Variants in MPV17L observed in about 807,000 individuals in gnomAD.
MPV17L encodes MPV17 mitochondrial inner membrane protein like.
A neutral mutation model predicts 25.8 loss-of-function variants in MPV17L; 24 were observed. That is an observed-to-expected ratio of 0.93 (90% CI 0.67 to 1.31). MPV17L has a LOEUF of 1.31. Among genes scored for constraint, MPV17L ranks in the 50% most tolerant of loss-of-function variants. MPV17L has a pLI of 0.00. For synonymous variants in MPV17L, 102 were observed against 115.3 expected (o/e 0.88, Z 0.74); for missense variants, 250 against 265.6 (o/e 0.94, Z 0.41).
At chr16:15,396,656 A>T (rs965567167) in intron 1 of MPV17L, among the ~76,000 whole-genome samples, 2 of 151,942 alleles carry the variant, frequency 1.3e-5, no homozygotes, top group African/African-American at 4.8e-5. Flanking sequence ...GAAGGAACCG[A>T]CCTGCTGTTC....
intron 2 of MPV17L, among the ~76,000 whole-genome samples, chr16:15,402,826 G>C (rs1018355613): frequency 1.3e-5 from 2 of 151,918 alleles, no homozygotes; most frequent in African/African-American, 4.8e-5. Flanking sequence ...TTACAGACTT[G>C]CACCACCACA....
intron 2 of MPV17L, among the ~76,000 whole-genome samples, chr16:15,406,208 A>G (rs2050679217): frequency 6.6e-6 from 1 of 151,764 alleles, no homozygotes; most frequent in Non-Finnish European, 1.5e-5. Flanking sequence ...ATATATATAC[A>G]TACACATATA....
rs2050736872 is a variant in MPV17L at position 15,411,954 on chromosome 16, C to T, written c.*3842C>T. 1 of 152,098 alleles carries T rather than the reference C, an allele frequency of 6.6e-6. No individual in the cohort carries two copies. Among genetic ancestry groups the T allele is most frequent in the Non-Finnish European group, 1.5e-5 (1 of 68,036 alleles). 9.4% of individuals were successfully genotyped at this position (152,098 alleles called of 1,614,324 possible). A position where few individuals can be genotyped will look rare whatever the true frequency, so the allele number is the denominator to read the frequency against. Reference sequence around the variant, plus strand: ...ACAGAAGAAAATTTCCACTGATCACCCTTTAGCTTTAAATAATGCAGAAGC... The same window carrying T: ...ACAGAAGAAAATTTCCACTGATCACTCTTTAGCTTTAAATAATGCAGAAGC... On this transcript the variant is annotated 3_prime_UTR_variant, in exon 4 of 4. Transcript: ENST00000396385.
chr16:15,409,835 CA>C lies in MPV17L; in HGVS notation c.*1728del, dbSNP rs1392480706. 6.6e-6 allele frequency: 1 copy of C among 152,160 alleles called. No individual in the cohort carries two copies. Among genetic ancestry groups the C allele is most frequent in the Admixed American group, 6.5e-5 (1 of 15,270 alleles). The allele number at this position is 152,160 out of a possible 1,614,324, so 9.4% of individuals were successfully genotyped here. A position where few individuals can be genotyped will look rare whatever the true frequency, so the allele number is the denominator to read the frequency against. ...GCTCAGTAAGTACATTTTTTATTAT[CA>C]AAAACAGAGTAGTGTATGATTGGCG... On this transcript the variant is annotated 3_prime_UTR_variant, in exon 4 of 4. Coordinates refer to ENST00000396385, the MANE Select transcript of MPV17L (RefSeq NM_001128423.2).
At chr16:15,401,078 ATATATATATTT>A (rs1403270283) in intron 2 of MPV17L, among the ~76,000 whole-genome samples, 1 of 30,946 alleles carries the variant, frequency 3.2e-5, no homozygotes, top group African/African-American at 8.0e-5. Context: ...ATATATATAT[ATATATATATTT>A]TTTTTTTTTT....
chr16:15,403,671 CAAA>C (rs201912807), intron 2 of MPV17L, among the ~76,000 whole-genome samples: 6 of 98,372 alleles, frequency 6.1e-5, no homozygotes, highest in Non-Finnish European at 4.1e-5. Context: ...GACCATGGTT[CAAA>C]AAAAAAAAAA....
chr16:15,396,693 G>A (rs1231564888), intron 1 of MPV17L, among the ~76,000 whole-genome samples: 2 of 152,172 alleles, frequency 1.3e-5, no homozygotes, highest in African/African-American at 4.8e-5. Flanking sequence ...GGGCCCCGGG[G>A]CCAACACAGG....
chr16:15,402,619 T>C (rs1216475660), intron 2 of MPV17L, among the ~76,000 whole-genome samples: 1 of 152,184 alleles, frequency 6.6e-6, no homozygotes, highest in Non-Finnish European at 1.5e-5. Flanking sequence ...GAGGACCCCA[T>C]GGTGACAACC....
At chr16:15,397,907 T>C (rs907383996) in intron 1 of MPV17L, among the ~76,000 whole-genome samples, 4 of 152,180 alleles carry the variant, frequency 2.6e-5, no homozygotes, top group African/African-American at 7.2e-5. Flanking sequence ...GGTCTGTGCC[T>C]GTGCCCGGTG....
At chr16:15,399,191 A>C (rs1203377210) in intron 1 of MPV17L, among the ~76,000 whole-genome samples, 1 of 152,036 alleles carries the variant, frequency 6.6e-6, no homozygotes, top group Admixed American at 6.6e-5. Context: ...TGAGGCACGT[A>C]AACTACATAG....
Position 15,396,187 on chromosome 16 carries a change from C to G in MPV17L, c.290C>G (p.Ala97Gly). ...LCDQVVGAPI[A>G]VSAFYVGMSI... Reference sequence around the variant, plus strand: ...GACCAGGTGGTCGGTGCGCCCATCGCGGTCTCGGCCTTCTATGTCGGTGAG... The same window carrying G: ...GACCAGGTGGTCGGTGCGCCCATCGGGGTCTCGGCCTTCTATGTCGGTGAG... The change falls in exon 1 of 4, where the codon GCG becomes GGG. Residue 97 changes from alanine (A) to glycine (G), a missense_variant. By Grantham distance (60) the Ala-to-Gly change is moderately conservative. Coordinates refer to ENST00000396385, the MANE Select transcript of MPV17L (RefSeq NM_001128423.2). 1 of 1,549,840 alleles carries G rather than the reference C, an allele frequency of 6.5e-7. No individual in the cohort carries two copies. Among genetic ancestry groups the G allele is most frequent in the Admixed American group, 2.0e-5 (1 of 51,114 alleles).
intron 2 of MPV17L, among the ~76,000 whole-genome samples, chr16:15,404,590 G>A (rs2050665210): frequency 6.6e-6 from 1 of 152,110 alleles, no homozygotes; most frequent in African/African-American, 2.4e-5. Flanking sequence ...GGAGGCCAAG[G>A]CGAGCAGATC....
At chr16:15,405,085 T>G (rs1408084068) in intron 2 of MPV17L, among the ~76,000 whole-genome samples, 2 of 152,154 alleles carry the variant, frequency 1.3e-5, no homozygotes, top group Non-Finnish European at 2.9e-5. Context: ...TGACAGCGTG[T>G]TCCAGGATCA....
intron 2 of MPV17L, 121 bp downstream of exon 2, chr16:15,400,978 CAT>C: frequency 2.0e-6 from 1 of 492,644 alleles, no homozygotes; most frequent in Non-Finnish European, 3.0e-6. Context: ...TTAATTGACA[CAT>C]ATAAGTACAT....
chr16:15,401,743 C>A (rs891649085), intron 2 of MPV17L, among the ~76,000 whole-genome samples: 5 of 151,984 alleles, frequency 3.3e-5, no homozygotes, highest in African/African-American at 1.2e-4. Flanking sequence ...TCACTTGAAC[C>A]TGGAGACAGG....
At chr16:15,403,736 A>C (rs2050658820) in intron 2 of MPV17L, among the ~76,000 whole-genome samples, 1 of 152,082 alleles carries the variant, frequency 6.6e-6, no homozygotes, top group Non-Finnish European at 1.5e-5. Flanking sequence ...GGATTTGTAA[A>C]TGAACAAAAC....
At chr16:15,396,242 C>G in intron 1 of MPV17L, 35 bp downstream of exon 1, 1 of 1,542,036 alleles carries the variant, frequency 6.5e-7, no homozygotes, top group Non-Finnish European at 8.7e-7. Context: ...GGGGTGGGAC[C>G]CAGTATTGGG....
intron 1 of MPV17L, among the ~76,000 whole-genome samples, chr16:15,400,358 T>C (rs2050622379): frequency 6.7e-6 from 1 of 150,192 alleles, no homozygotes; most frequent in Non-Finnish European, 1.5e-5. Flanking sequence ...TTTTTTTTTT[T>C]TTTTTTGTTT....
chr16:15,405,072 G>T (rs990289211), intron 2 of MPV17L, among the ~76,000 whole-genome samples: 3 of 151,970 alleles, frequency 2.0e-5, no homozygotes, highest in African/African-American at 7.3e-5. Context: ...TTCCTTTCTG[G>T]CATGACAGCG....
Sources: allele counts gnomAD v4.1 joint callset (sites outside exome capture counted in the v4.1 genomes callset), GRCh38; gene constraint gnomAD v4.1.1; transcripts MANE v1.5; gene names NCBI Gene and HGNC (gene_info 2026-07-23, HGNC 2026-07-21).